Variants in PPM1H observed in about 807,000 individuals in gnomAD.
PPM1H encodes the protein protein phosphatase 1H.
In PPM1H, 27 loss-of-function variants were observed where a neutral mutation model predicts 54.9. The observed-to-expected ratio is 0.49, with a 90% CI of 0.36 to 0.68. The LOEUF (loss-of-function observed/expected upper bound fraction) is 0.68. Among genes scored for constraint, PPM1H ranks in the 30% least tolerant of loss-of-function variants. The pLI is 0.00. For synonymous variants in PPM1H, 305 were observed against 270.8 expected, an observed-to-expected ratio of 1.13 and a Z score of -1.24; for missense variants, 596 against 667.8, an observed-to-expected ratio of 0.89 and a Z score of 1.19.
At chr12:62,842,103 GA>G (rs1868773173) in intron 1 of PPM1H, among the ~76,000 whole-genome samples, 2 of 152,098 alleles carry the variant, frequency 1.3e-5, no homozygotes, top group South Asian at 4.1e-4. Flanking sequence ...GGAGCCAACT[GA>G]AATCAAAATA....
intron 7 of PPM1H, among the ~76,000 whole-genome samples, chr12:62,692,180 T>C (rs931012805): frequency 3.9e-5 from 6 of 152,000 alleles, no homozygotes; most frequent in Admixed American, 3.3e-4. Flanking sequence ...TAGAAGGAGC[T>C]CCAAGAACTC....
At chr12:62,736,595 C>A (rs1411665814) in intron 5 of PPM1H, among the ~76,000 whole-genome samples, 2 of 152,226 alleles carry the variant, frequency 1.3e-5, no homozygotes, top group African/African-American at 4.8e-5. Context: ...AAGTGCAGAG[C>A]TGCTTTCTAA....
rs1592651692 is a variant in PPM1H at position 62,880,793 on chromosome 12, G to A, written c.246-48514C>T. On this transcript the variant is annotated intron_variant, in intron 1 of 9. Coordinates refer to ENST00000228705, the MANE Select transcript of PPM1H (RefSeq NM_020700.2). ...CTTCCTTCCTCAACCCCTTATGTGT[G>A]AACATTCCCTTCTCCAGGTGCTCGC... is the stretch of plus-strand genomic sequence containing the variant. Among the ~76,000 whole-genome samples, 3 of 152,264 alleles carry A rather than the reference G, an allele frequency of 2.0e-5. No homozygotes were observed. The South Asian group carries it at 6.2e-4, about 32-fold the overall frequency.
At chr12:62,807,397 T>A (rs993021489) in intron 2 of PPM1H, among the ~76,000 whole-genome samples, 1 of 152,224 alleles carries the variant, frequency 6.6e-6, no homozygotes, top group South Asian at 2.1e-4. Flanking sequence ...ATTCAGGCCA[T>A]AAGAAACACA....
chr12:62,849,562 G>A (rs1412672825), intron 1 of PPM1H, among the ~76,000 whole-genome samples: 1 of 152,126 alleles, frequency 6.6e-6, no homozygotes, highest in African/African-American at 2.4e-5. Context: ...GGGTCCACTA[G>A]TATCATACAA....
At chr12:62,799,181 T>C (rs969999314) in intron 3 of PPM1H, among the ~76,000 whole-genome samples, 1 of 152,214 alleles carries the variant, frequency 6.6e-6, no homozygotes, top group African/African-American at 2.4e-5. Flanking sequence ...AGTAGAAATA[T>C]TTTAAAAATG....
intron 4 of PPM1H, among the ~76,000 whole-genome samples, chr12:62,775,349 G>A (rs1213962646): frequency 1.3e-5 from 2 of 152,158 alleles, no homozygotes; most frequent in African/African-American, 4.8e-5. Context: ...CTTGGGAAAA[G>A]GGAGCTGGTG....
In PPM1H at chr12:62,654,948, C is replaced by T. The variant is rs551330601; in HGVS notation, c.1398-6312G>A. 1.1e-4 allele frequency among the ~76,000 whole-genome samples: 16 copies of T among 152,280 alleles called. No homozygotes were observed. In the South Asian group the frequency reaches 2.5e-3, roughly 24 times the overall value. ...TCCCAGGAGGTCGGATTCCTTCACA[C>T]GGCTTCTCTCCGCCGGCTTCTCCAG... On this transcript the variant is annotated intron_variant, in intron 9 of 9. Transcript: ENST00000228705.
At chr12:62,745,644 C>G (rs2076406191) in intron 4 of PPM1H, among the ~76,000 whole-genome samples, 1 of 152,200 alleles carries the variant, frequency 6.6e-6, no homozygotes, top group South Asian at 2.1e-4. Flanking sequence ...GCATCTGTTT[C>G]AGGAGCCACT....
chr12:62,844,777 C>T lies in PPM1H; in HGVS notation c.246-12498G>A, dbSNP rs1868897094. ...GAATAAACAAATGAACTCATTTTGC[C>T]ATAACACCCCATGGGAGAGAGACTA... On this transcript the variant is annotated intron_variant, in intron 1 of 9. Coordinates refer to ENST00000228705, the MANE Select transcript of PPM1H (RefSeq NM_020700.2). The surrounding 1 kb of genome is among the most constrained non-coding windows in gnomAD (Gnocchi z 5.2). Among the ~76,000 whole-genome samples the T allele has an allele frequency of 6.6e-6, 1 of 152,180 alleles. No individual in the cohort carries two copies. Among genetic ancestry groups the T allele is most frequent in the Non-Finnish European group, 1.5e-5 (1 of 68,026 alleles).
At chr12:62,867,678 C>G (rs1278152079) in intron 1 of PPM1H, among the ~76,000 whole-genome samples, 2 of 146,420 alleles carry the variant, frequency 1.4e-5, no homozygotes, top group African/African-American at 5.0e-5. Context: ...CCCGGATTCA[C>G]GCCATTCTCC....
At chr12:62,903,904 T>C (rs1053712497) in intron 1 of PPM1H, among the ~76,000 whole-genome samples, 5 of 152,222 alleles carry the variant, frequency 3.3e-5, no homozygotes, top group South Asian at 2.1e-4. Context: ...CTGATGTTCA[T>C]ATTTAATCTA....
chr12:62,656,545 C>T (rs974127171), intron 9 of PPM1H, among the ~76,000 whole-genome samples: 1 of 152,168 alleles, frequency 6.6e-6, no homozygotes, highest in Admixed American at 6.5e-5. Context: ...AGGCTGCAGG[C>T]TATCACCGTA....
chr12:62,751,247 G>T (rs949977337), intron 4 of PPM1H, among the ~76,000 whole-genome samples: 2 of 152,178 alleles, frequency 1.3e-5, no homozygotes, highest in African/African-American at 4.8e-5. Flanking sequence ...TTTGATTTGT[G>T]TCTGATTCGG....
intron 4 of PPM1H, chr12:62,756,338 C>T (rs1403242237): frequency 8.2e-6 from 4 of 489,566 alleles, no homozygotes; most frequent in Non-Finnish European, 1.5e-5. Context: ...TGAGAATCTC[C>T]CTTTCTCAAG....
Position 62,680,137 on chromosome 12 carries a change from T to C in PPM1H, c.1245+9562A>G, listed in dbSNP as rs185205894. Among the ~76,000 whole-genome samples, 7 of 152,306 alleles carry C rather than the reference T, an allele frequency of 4.6e-5. No homozygotes were observed. In the East Asian group the frequency reaches 1.4e-3, roughly 29 times the overall value. On this transcript the variant is annotated intron_variant, in intron 8 of 9. Coordinates refer to ENST00000228705, the MANE Select transcript of PPM1H (RefSeq NM_020700.2). ...CCAACAGAATGTGACAGTGATGATG[T>C]TCTGGGACTTCTTAGGCTAGGTTTT...
chr12:62,718,474 A>G (rs890395634), intron 6 of PPM1H, among the ~76,000 whole-genome samples: 3 of 152,166 alleles, frequency 2.0e-5, no homozygotes, highest in African/African-American at 7.2e-5. Context: ...TTTCTCAGGA[A>G]TATATAAGAG....
intron 2 of PPM1H, among the ~76,000 whole-genome samples, chr12:62,808,365 T>C (rs1592609921): frequency 6.6e-6 from 1 of 150,662 alleles, no homozygotes; most frequent in African/African-American, 2.5e-5. Flanking sequence ...TATGCTAAGG[T>C]GACCACCCCT....
chr12:62,770,905 G>A (rs530222486), intron 4 of PPM1H, among the ~76,000 whole-genome samples: 14 of 152,160 alleles, frequency 9.2e-5, no homozygotes, highest in African/African-American at 3.1e-4. Context: ...TCCAGGAGCC[G>A]GGTGGGAAAG....
Sources: gnomAD v4.1 joint callset for allele counts (sites outside exome capture counted in the v4.1 genomes callset) on GRCh38, gnomAD v4.1.1 for gene constraint, Gnocchi (gnomAD v3.1) non-coding constraint, MANE v1.5 for transcripts, NCBI Gene and HGNC (gene_info 2026-07-23, HGNC 2026-07-21) for gene names.